PDGFRL: variants seen among roughly 807,000 people sequenced by gnomAD.
The protein encoded by PDGFRL is platelet derived growth factor receptor like, also known as platelet-derived growth factor receptor-like protein.
Under a neutral mutation model 37.2 loss-of-function variants are expected in PDGFRL, and 46 were observed. The observed-to-expected ratio is 1.24, with a 90% CI of 0.98 to 1.58. The LOEUF (loss-of-function observed/expected upper bound fraction) is 1.58. PDGFRL is among the 40% of genes most tolerant of loss of function. The pLI is 0.00. For missense variants in PDGFRL, 692 were observed against 467.6 expected (o/e 1.48, Z -4.43); for synonymous variants, 251 against 184.3 (o/e 1.36, Z -2.93).
In PDGFRL at chr8:17,621,067, C is replaced by A. The variant is rs35294054; in HGVS notation, c.370C>A (p.Arg124Ser). ...TATTCCTAGCGTCAAGCAGAATGAG[C>A]GCTACGGCCAGTTGACTCTGGTCAA... Reference protein sequence around the residue: ...DSRLSVKQNERYGQLTLVNST... With the variant: ...DSRLSVKQNESYGQLTLVNST... Residue 124 changes from arginine (R) to serine (S), a missense_variant, in exon 3 of 6, where the codon CGC becomes AGC. Transcript: ENST00000251630. The A allele has an allele frequency of 6.2e-7, 1 of 1,606,704 alleles. No homozygotes were observed. Among genetic ancestry groups the A allele is most frequent in the Non-Finnish European group, 8.5e-7 (1 of 1,175,206 alleles).
intron 3 of PDGFRL, among the ~76,000 whole-genome samples, chr8:17,625,615 C>T (rs1172707681): frequency 6.6e-6 from 1 of 152,120 alleles, no homozygotes; most frequent in Non-Finnish European, 1.5e-5. Context: ...CTACGGATTG[C>T]AAATATATTT....
intron 2 of PDGFRL, 33 bp from the exon 3 acceptor site, chr8:17,621,018 C>T (rs28411922): frequency 0.096 from 148,347 of 1,551,784 alleles, 8,537 homozygotes; most frequent in African/African-American, 0.25. Flanking sequence ...CCAGGTCTGA[C>T]TTGCTTTGAG....
At chr8:17,592,680 A>G (rs1229281885) in intron 2 of PDGFRL, among the ~76,000 whole-genome samples, 1 of 152,088 alleles carries the variant, frequency 6.6e-6, no homozygotes, top group Non-Finnish European at 1.5e-5. Context: ...TACCGGGCTA[A>G]CCTCAGGCAT....
At chr8:17,631,634 C>T (rs1804862867) in intron 4 of PDGFRL, among the ~76,000 whole-genome samples, 1 of 152,150 alleles carries the variant, frequency 6.6e-6, no homozygotes, top group Non-Finnish European at 1.5e-5. Context: ...CTCCTTTGCC[C>T]ACTCCCATCT....
intron 3 of PDGFRL, 140 bp downstream of exon 3, chr8:17,621,342 T>C: frequency 1.9e-6 from 1 of 517,310 alleles, no homozygotes; most frequent in Non-Finnish European, 3.4e-6. Flanking sequence ...CTAAATGCTT[T>C]ACATCAGTTA....
chr8:17,593,198 G>A (rs2517151), intron 2 of PDGFRL, among the ~76,000 whole-genome samples: 130,117 of 151,932 alleles, frequency 0.86, 57,694 homozygotes, highest in Non-Finnish European at 0.97. Context: ...AGTGCGTAAG[G>A]GGGAACGTAT....
intron 2 of PDGFRL, among the ~76,000 whole-genome samples, chr8:17,612,664 C>T (rs1444545400): frequency 6.6e-6 from 1 of 152,198 alleles, no homozygotes; most frequent in East Asian, 1.9e-4. Flanking sequence ...AGCCACCACA[C>T]CTGGCCCAGT....
rs547446201 is a variant in PDGFRL at position 17,626,679 on chromosome 8, A to G, written c.506-1808A>G. 6.2e-3 allele frequency among the ~76,000 whole-genome samples: 938 copies of G among 152,290 alleles called. 1 individual carries two copies. Among genetic ancestry groups the G allele is most frequent in the Middle Eastern group, 0.017 (5 of 294 alleles). ...GCTCTGAAGATTTCTCTTTGCAAAT[A>G]CTGTAATATTCCCTCACAGAATGAT... On this transcript the variant is annotated intron_variant, in intron 3 of 5. Transcript: ENST00000251630.
At chr8:17,618,337 T>C (rs1328422742) in intron 2 of PDGFRL, among the ~76,000 whole-genome samples, 1 of 152,208 alleles carries the variant, frequency 6.6e-6, no homozygotes, top group African/African-American at 2.4e-5. Flanking sequence ...ATTATAGGCA[T>C]GAACCACCGC....
chr8:17,643,100 G>A lies in PDGFRL; in HGVS notation c.*299G>A, dbSNP rs144961991. 9.9e-5 allele frequency: 26 copies of A among 263,890 alleles called. 1 individual carries two copies. The East Asian group carries it at 1.6e-3, about 16-fold the overall frequency. The allele number at this position is 263,890 out of a possible 1,614,324, so 16.3% of individuals were successfully genotyped here. On this transcript the variant is annotated 3_prime_UTR_variant, in exon 6 of 6. Transcript: ENST00000251630. ...TCAATCATTTCTATTAAATGAGCAC[G>A]TTTTTGTAAAAAATAAAAAGTGGGA...
At chr8:17,609,216 A>T (rs1804351314) in intron 2 of PDGFRL, among the ~76,000 whole-genome samples, 1 of 151,636 alleles carries the variant, frequency 6.6e-6, no homozygotes, top group South Asian at 2.1e-4. Flanking sequence ...TGATAATAAA[A>T]TAGGAGCCAG....
intron 2 of PDGFRL, among the ~76,000 whole-genome samples, chr8:17,610,025 G>C (rs1804374729): frequency 6.6e-6 from 1 of 152,202 alleles, no homozygotes; most frequent in Non-Finnish European, 1.5e-5. Flanking sequence ...GGGTGCAAAT[G>C]GGTCCAGGCC....
At chr8:17,586,537 C>A (rs1274237140) in intron 1 of PDGFRL, among the ~76,000 whole-genome samples, 1 of 152,174 alleles carries the variant, frequency 6.6e-6, no homozygotes, top group Non-Finnish European at 1.5e-5. Flanking sequence ...TTTTTCACTA[C>A]CTTCTTGATG....
Position 17,617,212 on chromosome 8 carries a change from G to C in PDGFRL, c.354-3839G>C, listed in dbSNP as rs1002514092. ...CATCACTGAGATCTCTGTGGGTCAGGGCTAGAACTCCTAGTTTAGAAAGAA... is the reference window on the plus strand; with the variant it reads ...CATCACTGAGATCTCTGTGGGTCAGCGCTAGAACTCCTAGTTTAGAAAGAA... On this transcript the variant is annotated intron_variant, in intron 2 of 5. Transcript: ENST00000251630. 4.6e-5 allele frequency among the ~76,000 whole-genome samples: 7 copies of C among 152,256 alleles called. No homozygotes were observed. In the South Asian group the frequency reaches 8.3e-4, roughly 18 times the overall value.
At chr8:17,589,258 C>A (rs551161967) in intron 1 of PDGFRL, among the ~76,000 whole-genome samples, 84 of 152,040 alleles carry the variant, frequency 5.5e-4, no homozygotes, top group African/African-American at 1.9e-3. Context: ...TGGCGGCGGG[C>A]ACCTGTAATC....
intron 1 of PDGFRL, among the ~76,000 whole-genome samples, chr8:17,581,631 C>T (rs11991756): frequency 0.2 from 30,901 of 151,714 alleles, 3,372 homozygotes; most frequent in South Asian, 0.31. Context: ...TGTATTATTT[C>T]CAGCAAGAAC....
At chr8:17,626,303 A>T (rs1209791463) in intron 3 of PDGFRL, among the ~76,000 whole-genome samples, 1 of 152,216 alleles carries the variant, frequency 6.6e-6, no homozygotes, top group African/African-American at 2.4e-5. Context: ...TGACAAAGGT[A>T]CCCCTTACCT....
intron 1 of PDGFRL, among the ~76,000 whole-genome samples, chr8:17,584,464 G>C (rs977528877): frequency 6.6e-6 from 1 of 152,070 alleles, no homozygotes; most frequent in African/African-American, 2.4e-5. Context: ...GGGATTGTGT[G>C]AGGTCACTTA....
intron 1 of PDGFRL, 84 bp from the exon 2 acceptor site, chr8:17,589,384 T>G (rs115074394): frequency 0.014 from 11,910 of 868,540 alleles, 562 homozygotes; most frequent in South Asian, 0.11. Flanking sequence ...AGAATCTGTC[T>G]CAAAAAAAAA....
Sources: allele counts gnomAD v4.1 joint callset (sites outside exome capture counted in the v4.1 genomes callset), GRCh38; gene constraint gnomAD v4.1.1; transcripts MANE v1.5; gene names NCBI Gene and HGNC (gene_info 2026-07-23, HGNC 2026-07-21).